The following PPP3CA variants were observed in gnomAD, a reference collection of about 807,000 sequenced individuals.
The protein encoded by PPP3CA is CAM-PRP catalytic subunit.
PPP3CA carries 14 observed loss-of-function variants against 66.5 expected under a neutral mutation model. The observed-to-expected ratio is 0.21, with a 90% CI of 0.14 to 0.33. PPP3CA has a LOEUF of 0.33. Ranked by LOEUF, PPP3CA falls within the 10% of genes least tolerant of loss-of-function variation. The pLI is 1.00. For missense variants in PPP3CA, 317 were observed against 639.5 expected (o/e 0.50, Z 5.44); for synonymous variants, 232 against 226.2 (o/e 1.03, Z -0.23).
At chr4:101,074,669 G>T (rs959277485) in intron 8 of PPP3CA, among the ~76,000 whole-genome samples, 4 of 152,058 alleles carry the variant, frequency 2.6e-5, no homozygotes, top group Non-Finnish European at 4.4e-5. Context: ...ATTTATAAAT[G>T]GTATCTTCTT....
intron 8 of PPP3CA, among the ~76,000 whole-genome samples, chr4:101,075,339 T>C (rs1269876309): frequency 6.6e-6 from 1 of 152,250 alleles, no homozygotes; most frequent in Non-Finnish European, 1.5e-5. Context: ...TTAGTTTCGT[T>C]GCCATTAGAC....
At chr4:101,227,123 T>C (rs369775418) in intron 1 of PPP3CA, among the ~76,000 whole-genome samples, 7 of 17,690 alleles carry the variant, frequency 4.0e-4, no homozygotes, top group Non-Finnish European at 1.1e-3. Flanking sequence ...CATACACACA[T>C]ACATACATAC....
At chr4:101,329,426 A>G (rs1208012882) in intron 1 of PPP3CA, among the ~76,000 whole-genome samples, 3 of 152,190 alleles carry the variant, frequency 2.0e-5, no homozygotes, top group Admixed American at 2.0e-4. Context: ...CCACAACATA[A>G]AAATGCAAAG....
intron 1 of PPP3CA, among the ~76,000 whole-genome samples, chr4:101,323,326 G>A (rs183654523): frequency 1.1e-3 from 175 of 152,270 alleles, no homozygotes; most frequent in Non-Finnish European, 2.1e-3. Flanking sequence ...GGGCTTTGGG[G>A]AAGGCAATTA....
intron 2 of PPP3CA, among the ~76,000 whole-genome samples, chr4:101,129,032 G>C (rs116359065): frequency 0.022 from 3,275 of 152,306 alleles, 108 homozygotes; most frequent in African/African-American, 0.074. Flanking sequence ...GCAGTCTGAA[G>C]TTGACCTGGG....
At chr4:101,089,563 G>C (rs1438770778) in intron 6 of PPP3CA, among the ~76,000 whole-genome samples, 1 of 152,136 alleles carries the variant, frequency 6.6e-6, no homozygotes, top group Non-Finnish European at 1.5e-5. Flanking sequence ...TTTGAAGCAA[G>C]GTAAACCCAG....
chr4:101,246,608 A>C (rs759766481), intron 1 of PPP3CA, among the ~76,000 whole-genome samples: 22 of 151,996 alleles, frequency 1.4e-4, no homozygotes, highest in South Asian at 4.1e-4. Context: ...TCTTTATATA[A>C]ACAAGAAAAT....
intron 6 of PPP3CA, among the ~76,000 whole-genome samples, chr4:101,090,325 A>G (rs1022891303): frequency 6.6e-6 from 1 of 152,220 alleles, no homozygotes; most frequent in African/African-American, 2.4e-5. Context: ...TGCCATAGCT[A>G]AAAATCATTA....
rs372906916 is a variant in PPP3CA at position 101,161,025 on chromosome 4, A to G, written c.259+34891T>C. ...ATGCTGCCTACATGATGGTAGGCCC[A>G]TAAGATTATAACATCATATTTTTAC... is the stretch of plus-strand genomic sequence containing the variant. On this transcript the variant is annotated intron_variant, in intron 2 of 13. Transcript: ENST00000394854. 1.4e-4 allele frequency among the ~76,000 whole-genome samples: 21 copies of G among 152,278 alleles called. No individual in the cohort carries two copies. The East Asian group carries it at 1.7e-3, about 13-fold the overall frequency.
intron 1 of PPP3CA, among the ~76,000 whole-genome samples, chr4:101,224,216 A>G (rs1725711715): frequency 6.6e-6 from 1 of 151,804 alleles, no homozygotes; most frequent in Non-Finnish European, 1.5e-5. Flanking sequence ...TCCTGGGAAT[A>G]AAACAGGACA....
intron 2 of PPP3CA, among the ~76,000 whole-genome samples, chr4:101,117,154 G>A (rs1721861223): frequency 6.6e-6 from 1 of 151,336 alleles, no homozygotes; most frequent in Non-Finnish European, 1.5e-5. Context: ...AACAGTGCAG[G>A]GAAATTAAAA....
intron 2 of PPP3CA, among the ~76,000 whole-genome samples, chr4:101,131,675 T>C (rs1164678629): frequency 1.3e-5 from 2 of 152,122 alleles, no homozygotes; most frequent in East Asian, 3.9e-4. Context: ...CACCCCACTG[T>C]CAATATGAGA....
intron 1 of PPP3CA, among the ~76,000 whole-genome samples, chr4:101,205,648 T>C (rs908000086): frequency 6.6e-6 from 1 of 152,166 alleles, no homozygotes; most frequent in African/African-American, 2.4e-5. Flanking sequence ...ACATTTTCCA[T>C]GCCCACATGC....
Position 101,106,443 on chromosome 4 carries a change from A to AG in PPP3CA, c.384+2510_384+2511insC, listed in dbSNP as rs1240580334. On this transcript the variant is annotated intron_variant, in intron 3 of 13. Coordinates refer to ENST00000394854, the MANE Select transcript of PPP3CA (RefSeq NM_000944.5). ...AAAGAAAGAAAGAAAGAAAGAAAGA[A>AG]AGAAAGAAAGAGAAAAGAAAAGAAA... 2.0e-3 allele frequency among the ~76,000 whole-genome samples: 24 copies of AG among 11,910 alleles called. 4 individuals carry two copies. Among genetic ancestry groups the AG allele is most frequent in the African/African-American group, 3.4e-3 (10 of 2,942 alleles). 7.8% of individuals were successfully genotyped at this position (11,910 alleles called of 152,430 possible).
intron 2 of PPP3CA, among the ~76,000 whole-genome samples, chr4:101,191,934 G>A (rs747963745): frequency 4.6e-5 from 7 of 152,200 alleles, no homozygotes; most frequent in Admixed American, 6.5e-5. Flanking sequence ...GCAAACCAGA[G>A]AGATTAGCAG....
chr4:101,033,814 T>C (rs531650626), intron 11 of PPP3CA, among the ~76,000 whole-genome samples: 1 of 152,342 alleles, frequency 6.6e-6, no homozygotes, highest in South Asian at 2.1e-4. Flanking sequence ...GTATCACTTC[T>C]AGTCACTTTC....
At chr4:101,206,771 C>CTG (rs1207427248) in intron 1 of PPP3CA, among the ~76,000 whole-genome samples, 1 of 152,170 alleles carries the variant, frequency 6.6e-6, no homozygotes, top group East Asian at 1.9e-4. Flanking sequence ...TTTAATACTT[C>CTG]TGTGGTACTA....
chr4:101,225,218 T>G (rs543035267), intron 1 of PPP3CA, among the ~76,000 whole-genome samples: 1 of 151,620 alleles, frequency 6.6e-6, no homozygotes, highest in Non-Finnish European at 1.5e-5. Flanking sequence ...GATTTATAAT[T>G]TATCTTTTTT....
intron 1 of PPP3CA, among the ~76,000 whole-genome samples, chr4:101,254,934 A>G (rs898327250): frequency 6.6e-6 from 1 of 151,546 alleles, no homozygotes; most frequent in Non-Finnish European, 1.5e-5. Context: ...TGCATAAGAC[A>G]GGACCTCGTA....
Sources: allele counts gnomAD v4.1 joint callset (sites outside exome capture counted in the v4.1 genomes callset), GRCh38; gene constraint gnomAD v4.1.1; transcripts MANE v1.5; gene names NCBI Gene and HGNC (gene_info 2026-07-23, HGNC 2026-07-21).